TMEM132E: variants seen among roughly 807,000 people sequenced by gnomAD.
TMEM132E encodes transmembrane protein 132E.
TMEM132E carries 49 observed loss-of-function variants against 78.5 expected under a neutral mutation model. The ratio of observed to expected loss-of-function variants is 0.62; its 90% CI spans 0.50 to 0.79. The LOEUF (loss-of-function observed/expected upper bound fraction) is 0.79, where lower values mean the gene tolerates loss of function less well. TMEM132E is among the 30% of genes least tolerant of loss of function. The pLI, the probability that TMEM132E is intolerant of heterozygous loss-of-function variation, is 0.00. For missense variants in TMEM132E, 1,403 were observed against 1,470.9 expected, an observed-to-expected ratio of 0.95 and a Z score of 0.75; for synonymous variants, 715 against 670.6, an observed-to-expected ratio of 1.07 and a Z score of -1.02.
intron 5 of TMEM132E, among the ~76,000 whole-genome samples, chr17:34,631,173 G>A (rs1160697979): frequency 2.0e-5 from 3 of 152,196 alleles, no homozygotes; most frequent in African/African-American, 7.2e-5. Flanking sequence ...CCCTCCTGCT[G>A]TCTCTCTCTC....
intron 1 of TMEM132E, among the ~76,000 whole-genome samples, chr17:34,584,789 G>A (rs1300588437): frequency 3.3e-5 from 5 of 152,194 alleles, no homozygotes; most frequent in Admixed American, 6.5e-5. Context: ...CCCCTTGAGT[G>A]GGCACATACA....
At chr17:34,604,997 A>G (rs972033721) in intron 1 of TMEM132E, among the ~76,000 whole-genome samples, 4 of 152,180 alleles carry the variant, frequency 2.6e-5, no homozygotes, top group East Asian at 1.9e-4. Context: ...TCTGAGCCCA[A>G]AACTTAAGCT....
intron 5 of TMEM132E, among the ~76,000 whole-genome samples, chr17:34,631,360 GA>G (rs910291782): frequency 1.3e-5 from 2 of 152,170 alleles, no homozygotes; most frequent in African/African-American, 4.8e-5. Flanking sequence ...TCCACTGCTG[GA>G]AGACTGGGAT....
intron 1 of TMEM132E, among the ~76,000 whole-genome samples, chr17:34,585,230 G>A (rs548991646): frequency 2.6e-5 from 4 of 152,318 alleles, no homozygotes; most frequent in East Asian, 1.9e-4. Context: ...TTCTGAGGAC[G>A]GCTGGTGCTT....
chr17:34,627,467 C>CGTGTGTGTGTGTATGTGT (rs1907193751), intron 2 of TMEM132E, among the ~76,000 whole-genome samples: 2 of 126,470 alleles, frequency 1.6e-5, no homozygotes, highest in African/African-American at 6.0e-5. Context: ...CCAAAAGAAT[C>CGTGTGTGTGTGTATGTGT]GTGTGTGTGT....
At position 34,579,843 on chromosome 17, in the gene TMEM132E, T is replaced by C. The variant is rs1905398377; in HGVS notation, c.-1234T>C. ...CCTGGCCCCTGGCGCCGCGCCCGCG[T>C]CTCACCGCCCGCAGCCCGGACTGGC... On this transcript the variant is annotated 5_prime_UTR_variant, in exon 1 of 9. Transcript: ENST00000631683. 6.6e-6 allele frequency: 1 copy of C among 152,104 alleles called. No homozygotes were observed. 9.4% of individuals were successfully genotyped at this position (152,104 alleles called of 1,614,324 possible).
chr17:34,596,378 G>C (rs1906060634), intron 1 of TMEM132E, among the ~76,000 whole-genome samples: 1 of 152,208 alleles, frequency 6.6e-6, no homozygotes, highest in South Asian at 2.1e-4. Flanking sequence ...CCAGGTCACA[G>C]AGACAGAATT....
chr17:34,623,416 C>T lies in TMEM132E; in HGVS notation c.68-2711C>T, dbSNP rs569362606. ...TAGTACCCGCTCCCCCCCCCCCCCC[C>T]GTCCCTCTACAGCCTGGATAGTGAG... On this transcript the variant is annotated intron_variant, in intron 1 of 8. Transcript: ENST00000631683. Among the ~76,000 whole-genome samples the T allele has an allele frequency of 4.5e-3, 645 of 142,360 alleles. 9 individuals are homozygous for T. Among genetic ancestry groups the T allele is most frequent in the East Asian group, 0.031 (147 of 4,750 alleles). 93.4% of individuals were successfully genotyped at this position (142,360 alleles called of 152,430 possible). A position where few individuals can be genotyped will look rare whatever the true frequency, so the allele number is the denominator to read the frequency against.
chr17:34,602,622 A>C (rs73988732), intron 1 of TMEM132E, among the ~76,000 whole-genome samples: 13,225 of 152,240 alleles, frequency 0.087, 1,721 homozygotes, highest in African/African-American at 0.28. Context: ...GAGCTTCAGC[A>C]TCCCCTGCAG....
chr17:34,621,185 A>G (rs1033605626), intron 1 of TMEM132E, among the ~76,000 whole-genome samples: 1 of 152,176 alleles, frequency 6.6e-6, no homozygotes, highest in Non-Finnish European at 1.5e-5. Flanking sequence ...TCAGTTTGCT[A>G]GGGCTGCCAT....
chr17:34,581,239 G>A (rs1209003942), intron 1 of TMEM132E, 96 bp downstream of exon 1: 9 of 1,139,918 alleles, frequency 7.9e-6, no homozygotes, highest in East Asian at 3.2e-5. Context: ...ACACCCCCTG[G>A]ACTCGCAGCC....
At chr17:34,591,399 G>T (rs938612379) in intron 1 of TMEM132E, among the ~76,000 whole-genome samples, 2 of 151,656 alleles carry the variant, frequency 1.3e-5, no homozygotes, top group Non-Finnish European at 2.9e-5. Context: ...CAACTTCCTG[G>T]GCTCAAACAA....
Position 34,580,942 on chromosome 17 carries a change from C to A in TMEM132E, c.-135C>A. On this transcript the variant is annotated 5_prime_UTR_variant, in exon 1 of 9. Transcript: ENST00000631683. ...CCCCGCAAAGTGTCCCCGAATTGCA[C>A]TCTCTGGTCCCGGAGCTGCATCTGA... 1.7e-6 allele frequency: 1 copy of A among 590,758 alleles called. No individual in the cohort carries two copies. 36.6% of individuals were successfully genotyped at this position (590,758 alleles called of 1,614,324 possible).
At chr17:34,595,191 T>C (rs1372276438) in intron 1 of TMEM132E, among the ~76,000 whole-genome samples, 1 of 152,218 alleles carries the variant, frequency 6.6e-6, no homozygotes, top group Admixed American at 6.5e-5. Context: ...TGCAGTGTGG[T>C]GAACAGAGCA....
intron 1 of TMEM132E, 85 bp downstream of exon 1, chr17:34,581,228 C>G (rs1052758842): frequency 8.0e-7 from 1 of 1,248,036 alleles, no homozygotes; most frequent in African/African-American, 1.6e-5. Context: ...GAGGAGCACC[C>G]ACACCCCCTG....
rs895879585 is a variant in TMEM132E, at chr17:34,609,850, C to T, written c.68-16277C>T. ...AAACCCCTGGGATAAAATCCACAGA[C>T]TCCTTAGCTTAGCATTCAAAGCCCT... On this transcript the variant is annotated intron_variant, in intron 1 of 8. Coordinates refer to ENST00000631683, the MANE Select transcript of TMEM132E (RefSeq NM_001304438.2). 3.3e-5 allele frequency among the ~76,000 whole-genome samples: 5 copies of T among 152,190 alleles called. 1 individual carries two copies. Among genetic ancestry groups the T allele is most frequent in the Admixed American group, 2.6e-4 (4 of 15,286 alleles).
intron 1 of TMEM132E, among the ~76,000 whole-genome samples, chr17:34,620,836 G>A (rs1357750278): frequency 6.6e-6 from 1 of 152,174 alleles, no homozygotes; most frequent in Non-Finnish European, 1.5e-5. Context: ...GAAGGATGAG[G>A]GGGACCCCCA....
intron 6 of TMEM132E, among the ~76,000 whole-genome samples, chr17:34,634,176 C>T (rs908177794): frequency 1.3e-5 from 2 of 152,228 alleles, no homozygotes; most frequent in African/African-American, 4.8e-5. Context: ...CAGTAAACCT[C>T]TCAATTTTAG....
At chr17:34,628,904 A>C in intron 3 of TMEM132E, 108 bp from the exon 4 acceptor site, 10 of 1,415,398 alleles carry the variant, frequency 7.1e-6, no homozygotes, top group Non-Finnish European at 9.5e-6. Flanking sequence ...AGAGGGCCCC[A>C]TCAGGCAGCT....
Sources: allele counts gnomAD v4.1 joint callset (sites outside exome capture counted in the v4.1 genomes callset), GRCh38; gene constraint gnomAD v4.1.1; transcripts MANE v1.5; gene names NCBI Gene and HGNC (gene_info 2026-07-23, HGNC 2026-07-21).